HS3ST4: variants seen among roughly 807,000 people sequenced by gnomAD.
HS3ST4 encodes heparan sulfate-glucosamine 3-sulfotransferase 4.
HS3ST4 carries 17 observed loss-of-function variants against 29.2 expected under a neutral mutation model. The observed-to-expected ratio is 0.58, with a 90% CI of 0.40 to 0.87. The LOEUF (loss-of-function observed/expected upper bound fraction) is 0.87, where lower values mean the gene tolerates loss of function less well. Among genes scored for constraint, HS3ST4 ranks in the 40% least tolerant of loss-of-function variants. HS3ST4 has a pLI of 0.00. For missense variants in HS3ST4, 627 were observed against 634.5 expected (o/e 0.99, Z 0.13); for synonymous variants, 314 against 285.7 (o/e 1.10, Z -1.00).
intron 1 of HS3ST4, among the ~76,000 whole-genome samples, chr16:26,072,332 T>C (rs1898612032): frequency 6.6e-6 from 1 of 152,186 alleles, no homozygotes; most frequent in Admixed American, 6.5e-5. Context: ...GGATGTTCCG[T>C]CTTCTACCTG....
At chr16:26,026,232 C>G (rs1211644172) in intron 1 of HS3ST4, among the ~76,000 whole-genome samples, 2 of 152,164 alleles carry the variant, frequency 1.3e-5, no homozygotes, top group African/African-American at 2.4e-5. Context: ...TTTGAGAAAC[C>G]TCCCTAGTTT....
chr16:25,977,632 T>C (rs4238931), intron 1 of HS3ST4, among the ~76,000 whole-genome samples: 142,664 of 152,296 alleles, frequency 0.94, 66,957 homozygotes, highest in African/African-American at 0.98. Flanking sequence ...TTGAAAACCC[T>C]GTTCCCAAAC....
chr16:25,887,516 A>G lies in HS3ST4; in HGVS notation c.734+194365A>G, dbSNP rs569635188. ...CAGATATTAATTACCAGATATAAAT[A>G]AATTCCCACATATTAATTACTGACT... On this transcript the variant is annotated intron_variant, in intron 1 of 1. Coordinates refer to ENST00000331351, the MANE Select transcript of HS3ST4 (RefSeq NM_006040.3). Among the ~76,000 whole-genome samples, 3 of 152,088 alleles carry G rather than the reference A, an allele frequency of 2.0e-5. No homozygotes were observed. In the South Asian group the frequency reaches 6.2e-4, roughly 32 times the overall value.
At chr16:26,086,845 CTG>C (rs1439892759) in intron 1 of HS3ST4, among the ~76,000 whole-genome samples, 1 of 152,178 alleles carries the variant, frequency 6.6e-6, no homozygotes, top group Non-Finnish European at 1.5e-5. Flanking sequence ...AGTCTTTTCT[CTG>C]TATTTTCTGA....
intron 1 of HS3ST4, among the ~76,000 whole-genome samples, chr16:25,748,001 A>G (rs1234415521): frequency 1.3e-5 from 2 of 152,168 alleles, no homozygotes; most frequent in Non-Finnish European, 2.9e-5. Flanking sequence ...TCTGTTACCA[A>G]TAGAAGTCGC....
intron 1 of HS3ST4, among the ~76,000 whole-genome samples, chr16:26,036,933 C>T (rs73512496): frequency 0.012 from 1,833 of 152,280 alleles, 38 homozygotes; most frequent in African/African-American, 0.04. Flanking sequence ...ATCCAGGAAA[C>T]AGGAATGAAG....
intron 1 of HS3ST4, among the ~76,000 whole-genome samples, chr16:25,929,139 T>A (rs1968439216): frequency 6.6e-6 from 1 of 151,934 alleles, no homozygotes; most frequent in Non-Finnish European, 1.5e-5. Context: ...ATCCCAGCAG[T>A]TTGGGAGGCT....
chr16:25,777,099 T>C (rs1270689758), intron 1 of HS3ST4, among the ~76,000 whole-genome samples: 1 of 152,192 alleles, frequency 6.6e-6, no homozygotes, highest in Non-Finnish European at 1.5e-5. Flanking sequence ...TGAAAAGCAT[T>C]AGGTGTCCAC....
At position 25,692,150 on chromosome 16, in the gene HS3ST4, A is replaced by T; in HGVS notation, c.-268A>T. On this transcript the variant is annotated 5_prime_UTR_variant, in exon 1 of 2. Coordinates refer to ENST00000331351, the MANE Select transcript of HS3ST4 (RefSeq NM_006040.3). ...GCGCCCCCCTCGGTCCCCTTGCCTG[A>T]GGCTGAGGGGGGGGCGGTGGTGGGG... 1 of 140,780 alleles carries T rather than the reference A, an allele frequency of 7.1e-6. No homozygotes were observed. The highest frequency in any genetic ancestry group is 2.2e-4 in the South Asian group (1 of 4,532). The allele number at this position is 140,780 out of a possible 1,614,324, so 8.7% of individuals were successfully genotyped here. A position where few individuals can be genotyped will look rare whatever the true frequency, so the allele number is the denominator to read the frequency against.
chr16:25,844,774 T>C (rs991194701), intron 1 of HS3ST4, among the ~76,000 whole-genome samples: 2 of 152,212 alleles, frequency 1.3e-5, no homozygotes, highest in African/African-American at 4.8e-5. Flanking sequence ...GCAGCACTAT[T>C]CACAATAGCA....
chr16:25,924,063 C>T (rs1346816588), intron 1 of HS3ST4, among the ~76,000 whole-genome samples: 1 of 152,164 alleles, frequency 6.6e-6, no homozygotes, highest in African/African-American at 2.4e-5. Context: ...ATTCACCTTG[C>T]ATTCAACATG....
chr16:25,811,859 AGTT>A (rs1256689811), intron 1 of HS3ST4, among the ~76,000 whole-genome samples: 2 of 152,234 alleles, frequency 1.3e-5, no homozygotes, highest in Non-Finnish European at 2.9e-5. Flanking sequence ...GAGTATTAGT[AGTT>A]AAGTTTTTAG....
intron 1 of HS3ST4, among the ~76,000 whole-genome samples, chr16:25,746,046 C>T (rs1399888280): frequency 6.6e-6 from 1 of 152,200 alleles, no homozygotes; most frequent in Non-Finnish European, 1.5e-5. Flanking sequence ...CTTCAGTTCT[C>T]CCATTGTGCA....
intron 1 of HS3ST4, among the ~76,000 whole-genome samples, chr16:26,008,241 G>A (rs1361601942): frequency 6.6e-6 from 1 of 152,174 alleles, no homozygotes; most frequent in Non-Finnish European, 1.5e-5. Flanking sequence ...ACACGACAAA[G>A]GAGATCTGGC....
chr16:25,999,762 ATATATATATTTATATATAT>A (rs1033101347), intron 1 of HS3ST4, among the ~76,000 whole-genome samples: 9 of 139,042 alleles, frequency 6.5e-5, no homozygotes, highest in Admixed American at 1.5e-4. Context: ...TGTATATTTT[ATATATATATTTATATATAT>A]TATATATATT....
chr16:26,055,102 GT>G (rs375927986), intron 1 of HS3ST4, among the ~76,000 whole-genome samples: 95 of 146,128 alleles, frequency 6.5e-4, no homozygotes, highest in Middle Eastern at 3.5e-3. Flanking sequence ...TTGATGAGTT[GT>G]TTTTTTTTTT....
At chr16:25,736,856 A>AT (rs983168239) in intron 1 of HS3ST4, among the ~76,000 whole-genome samples, 7 of 148,910 alleles carry the variant, frequency 4.7e-5, no homozygotes, top group African/African-American at 7.4e-5. Flanking sequence ...TTTTCTTTTT[A>AT]TTTTTTTTTG....
intron 1 of HS3ST4, among the ~76,000 whole-genome samples, chr16:25,749,457 T>A (rs931731531): frequency 6.6e-6 from 1 of 151,850 alleles, no homozygotes; most frequent in East Asian, 1.9e-4. Context: ...ATTGCACCAC[T>A]GTATTCCAGC....
At chr16:25,962,769 C>A (rs548045258) in intron 1 of HS3ST4, among the ~76,000 whole-genome samples, 1 of 152,302 alleles carries the variant, frequency 6.6e-6, no homozygotes, top group South Asian at 2.1e-4. Context: ...AATAAGATAC[C>A]TAACCAACCA....
Sources: gnomAD v4.1 joint callset for allele counts (sites outside exome capture counted in the v4.1 genomes callset) on GRCh38, gnomAD v4.1.1 for gene constraint, MANE v1.5 for transcripts, NCBI Gene and HGNC (gene_info 2026-07-23, HGNC 2026-07-21) for gene names.